PCDH15: variants seen among roughly 807,000 people sequenced by gnomAD.
The protein encoded by PCDH15 is protocadherin-15.
PCDH15 carries 129 observed loss-of-function variants against 178.5 expected under a neutral mutation model. The observed-to-expected ratio is 0.72, with a 90% CI of 0.63 to 0.84. The LOEUF (loss-of-function observed/expected upper bound fraction) is 0.84. PCDH15 is among the 40% of genes least tolerant of loss of function. PCDH15 has a pLI of 0.00. For synonymous variants in PCDH15, 800 were observed against 732.0 expected (o/e 1.09, Z -1.50); for missense variants, 2,230 against 2,099.9 (o/e 1.06, Z -1.21).
At chr10:55,603,599 TAAAG>T (rs1272350073) in intron 2 of PCDH15, among the ~76,000 whole-genome samples, 1 of 151,494 alleles carries the variant, frequency 6.6e-6, no homozygotes, top group Non-Finnish European at 1.5e-5. Flanking sequence ...TCAACATTCT[TAAAG>T]AAAAGAATTT....
intron 36 of PCDH15, among the ~76,000 whole-genome samples, chr10:53,810,929 C>T (rs562817807): frequency 3.5e-4 from 53 of 152,102 alleles, no homozygotes; most frequent in African/African-American, 1.2e-3. Context: ...GAAACTAGAA[C>T]GAGAAAAAAG....
chr10:53,823,174 CAGAT>C lies in PCDH15; in HGVS notation c.4368-2948_4368-2945del, dbSNP rs1233449433. The C allele has an allele frequency of 5.0e-6, 8 of 1,613,890 alleles. No individual in the cohort carries two copies. In the African/African-American group the frequency reaches 1.1e-4, roughly 22 times the overall value. ...TTATGGGCACTTAAGTCATCCTCATCAGATAGAAATGTGAATTTTCTTGCAGACT... is the reference window on the plus strand; with the variant it reads ...TTATGGGCACTTAAGTCATCCTCATCAGAAATGTGAATTTTCTTGCAGACT... On this transcript the variant is annotated intron_variant, in intron 32 of 37. Transcript: ENST00000644397.
At position 54,617,380 on chromosome 10, in the gene PCDH15, T is replaced by C. The variant is rs566174903; in HGVS notation, c.91+46792A>G. 3.3e-5 allele frequency among the ~76,000 whole-genome samples: 5 copies of C among 152,248 alleles called. No individual in the cohort carries two copies. The South Asian group carries it at 8.3e-4, about 25-fold the overall frequency. On this transcript the variant is annotated intron_variant, in intron 2 of 37. Coordinates refer to ENST00000644397, the MANE Select transcript of PCDH15 (RefSeq NM_001384140.1). ...TATTTGTGAATCTGCTTTTGAATAA[T>C]AGTAAAATTGTGTTTTCAAAGCCAT...
intron 2 of PCDH15, among the ~76,000 whole-genome samples, chr10:54,607,166 T>G (rs2134178999): frequency 6.6e-6 from 1 of 152,152 alleles, no homozygotes; most frequent in East Asian, 1.9e-4. Flanking sequence ...TTTGTGAAAA[T>G]GAGTTGTTTT....
intron 3 of PCDH15, among the ~76,000 whole-genome samples, chr10:54,475,438 C>T (rs1423047806): frequency 6.6e-6 from 1 of 151,902 alleles, no homozygotes; most frequent in Non-Finnish European, 1.5e-5. Flanking sequence ...ATTCCGATTA[C>T]AATTCTTACT....
chr10:53,866,652 G>A lies in PCDH15; in HGVS notation c.3707C>T (p.Ala1236Val). 6.2e-7 allele frequency: 1 copy of A among 1,613,314 alleles called. No individual in the cohort carries two copies. The highest frequency in any genetic ancestry group is 8.5e-7 in the Non-Finnish European group (1 of 1,179,444). ...GTTTTATCTACTTACGAGTACATCG[G>A]CTTTGCCGCTCAGTCCCTTCCCATA... Reference protein sequence around the residue: ...DDYGKGLSGKADVLVSVVNQL... With the variant: ...DDYGKGLSGKVDVLVSVVNQL... The change falls in exon 27 of 38, where the codon GCC becomes GTC. Residue 1236 changes from alanine to valine, a missense_variant. By Grantham distance (64) the Ala-to-Val change is moderately conservative. Transcript: ENST00000644397.
At chr10:53,951,793 T>C (rs1399826798) in intron 23 of PCDH15, among the ~76,000 whole-genome samples, 1 of 152,200 alleles carries the variant, frequency 6.6e-6, no homozygotes. Context: ...TGGCTTCTTC[T>C]ACCGGCCCAG....
chr10:54,045,903 G>A (rs778856689), intron 18 of PCDH15, among the ~76,000 whole-genome samples: 3 of 152,020 alleles, frequency 2.0e-5, no homozygotes, highest in South Asian at 2.1e-4. Flanking sequence ...ATGGAAGCTC[G>A]AGAATGGGAG....
intron 2 of PCDH15, among the ~76,000 whole-genome samples, chr10:54,613,985 T>C (rs1303132563): frequency 6.6e-6 from 1 of 151,934 alleles, no homozygotes; most frequent in Non-Finnish European, 1.5e-5. Context: ...AGTTTATTAT[T>C]TTCTTAATAA....
intron 3 of PCDH15, among the ~76,000 whole-genome samples, chr10:54,482,360 C>A (rs541754855): frequency 6.6e-6 from 1 of 151,756 alleles, no homozygotes; most frequent in Non-Finnish European, 1.5e-5. Context: ...ATATTATATT[C>A]TGGAAAAAGT....
chr10:55,557,441 C>A (rs1842113567), intron 2 of PCDH15, among the ~76,000 whole-genome samples: 1 of 152,042 alleles, frequency 6.6e-6, no homozygotes, highest in Non-Finnish European at 1.5e-5. Context: ...GTAGGGCTGC[C>A]ATTATAAGCC....
At chr10:54,435,286 T>A (rs1303292526) in intron 3 of PCDH15, among the ~76,000 whole-genome samples, 1 of 152,166 alleles carries the variant, frequency 6.6e-6, no homozygotes, top group South Asian at 2.1e-4. Context: ...CAGCCTGGAA[T>A]TTTCTCTCTC....
chr10:54,317,227 T>C, intron 8 of PCDH15, 44 bp downstream of exon 8: 1 of 1,590,904 alleles, frequency 6.3e-7, no homozygotes, highest in South Asian at 1.1e-5. Context: ...CCCATTGGGT[T>C]TTAAAACATG....
chr10:54,854,740 G>T (rs761076046), intron 3 of PCDH15, among the ~76,000 whole-genome samples: 5 of 152,252 alleles, frequency 3.3e-5, no homozygotes, highest in Non-Finnish European at 4.4e-5. Flanking sequence ...CCTCAGAGTG[G>T]AGGTAGTGCA....
intron 4 of PCDH15, 66 bp downstream of exon 4, chr10:54,378,716 C>A: frequency 1.3e-6 from 2 of 1,511,182 alleles, no homozygotes; most frequent in Non-Finnish European, 1.8e-6. Context: ...ATCATATAAA[C>A]ACACACATAG....
chr10:55,460,404 G>A (rs1186982584), intron 2 of PCDH15, among the ~76,000 whole-genome samples: 1 of 151,928 alleles, frequency 6.6e-6, no homozygotes, highest in Non-Finnish European at 1.5e-5. Flanking sequence ...AGCCATTGTA[G>A]GAACCTCCTT....
chr10:55,392,192 A>G (rs1837809371), intron 2 of PCDH15, among the ~76,000 whole-genome samples: 1 of 152,200 alleles, frequency 6.6e-6, no homozygotes, highest in South Asian at 2.1e-4. Flanking sequence ...ATAATAATGC[A>G]AAAGTTTGAA....
Position 55,537,435 on chromosome 10 carries a change from G to T in PCDH15, c.-156+90190C>A, listed in dbSNP as rs577263462. On this transcript the variant is annotated intron_variant, in intron 2 of 5. Coordinates refer to the PCDH15 transcript ENST00000613346. ...TTTATGTATGTATGTATGTATGTAT[G>T]TATTTATTTATTTATTTTGAGACAG... 3.8e-3 allele frequency among the ~76,000 whole-genome samples: 569 copies of T among 147,978 alleles called. 3 individuals carry two copies. The highest frequency in any genetic ancestry group is 9.8e-3 in the African/African-American group (402 of 41,130).
chr10:55,509,485 T>C (rs1407006535), intron 2 of PCDH15, among the ~76,000 whole-genome samples: 2 of 151,810 alleles, frequency 1.3e-5, no homozygotes, highest in Non-Finnish European at 2.9e-5. Context: ...TTCAAGGTTA[T>C]AGTTACTAAT....
Sources: gnomAD v4.1 joint callset for allele counts (sites outside exome capture counted in the v4.1 genomes callset) on GRCh38, gnomAD v4.1.1 for gene constraint, MANE v1.5 for transcripts, NCBI Gene and HGNC (gene_info 2026-07-23, HGNC 2026-07-21) for gene names.